The following PTK2 variants were observed in gnomAD, a reference collection of about 807,000 sequenced individuals.
PTK2 encodes protein tyrosine kinase 2, also known as focal adhesion kinase 1.
Under a neutral mutation model 150.1 loss-of-function variants are expected in PTK2, and 45 were observed. That is an observed-to-expected ratio of 0.30 (90% CI 0.24 to 0.38). PTK2 has a LOEUF of 0.38. Among genes scored for constraint, PTK2 ranks in the 10% least tolerant of loss-of-function variants. PTK2 has a pLI of 1.00. For synonymous variants in PTK2, 432 were observed against 449.2 expected, an observed-to-expected ratio of 0.96 and a Z score of 0.48; for missense variants, 919 against 1,307.3, an observed-to-expected ratio of 0.70 and a Z score of 4.58.
At chr8:140,905,428 G>A (rs1164108788) in intron 2 of PTK2, among the ~76,000 whole-genome samples, 1 of 151,820 alleles carries the variant, frequency 6.6e-6, no homozygotes, top group African/African-American at 2.4e-5. Context: ...AAAAGACAAA[G>A]AAGGGCATTA....
At chr8:140,854,428 T>C (rs781280486) in intron 5 of PTK2, among the ~76,000 whole-genome samples, 2 of 152,228 alleles carry the variant, frequency 1.3e-5, no homozygotes, top group African/African-American at 4.8e-5. Context: ...GAAATACTTA[T>C]AACTTTAACA....
intron 31 of PTK2, chr8:140,662,679 C>T (rs774450559): frequency 1.4e-5 from 8 of 574,586 alleles, no homozygotes; most frequent in Admixed American, 6.5e-5. Flanking sequence ...TGTGTCCAAC[C>T]GTCCTTCAGA....
chr8:140,900,558 C>G (rs963147144), intron 2 of PTK2, among the ~76,000 whole-genome samples: 1 of 151,910 alleles, frequency 6.6e-6, no homozygotes, highest in Non-Finnish European at 1.5e-5. Flanking sequence ...CCCATCTCTA[C>G]TAAAATTACA....
exon 30 of PTK2, chr8:140,668,385 G>T: frequency 1.9e-6 from 3 of 1,613,684 alleles, no homozygotes; most frequent in Non-Finnish European, 2.5e-6. Flanking sequence ...GACCGGTCCA[G>T]GTTGGCAGTA....
intron 14 of PTK2, among the ~76,000 whole-genome samples, chr8:140,766,089 A>C (rs1468353835): frequency 6.6e-6 from 1 of 152,098 alleles, no homozygotes. Flanking sequence ...TGGGAGAGCC[A>C]CTCAAACTCT....
At chr8:140,732,081 T>C (rs2100049764) in intron 22 of PTK2, among the ~76,000 whole-genome samples, 1 of 152,162 alleles carries the variant, frequency 6.6e-6, no homozygotes, top group Non-Finnish European at 1.5e-5. Flanking sequence ...CAAAGGGCTA[T>C]CCAAACTTAT....
At chr8:140,805,351 G>A (rs1170510700) in intron 10 of PTK2, among the ~76,000 whole-genome samples, 1 of 152,034 alleles carries the variant, frequency 6.6e-6, no homozygotes, top group African/African-American at 2.4e-5. Context: ...ACGAGGTCAG[G>A]AGATTGAGAC....
intron 5 of PTK2, among the ~76,000 whole-genome samples, chr8:140,856,210 G>A (rs764638787): frequency 4.6e-5 from 7 of 152,090 alleles, no homozygotes; most frequent in Admixed American, 6.5e-5. Flanking sequence ...AGAATGCAGA[G>A]CAACCAGAAC....
chr8:140,937,595 A>AC (rs2100174108), intron 1 of PTK2, among the ~76,000 whole-genome samples: 1 of 151,776 alleles, frequency 6.6e-6, no homozygotes, highest in South Asian at 2.1e-4. Flanking sequence ...TAAAAAAAAA[A>AC]AAAACACAAA....
intron 1 of PTK2, among the ~76,000 whole-genome samples, chr8:141,000,391 G>A (rs979605910): frequency 5.4e-4 from 83 of 152,336 alleles, no homozygotes; most frequent in African/African-American, 1.9e-3. Context: ...AGGCCGCTCG[G>A]AGCCCACCCT....
chr8:140,711,107 T>C (rs1313608037), intron 23 of PTK2, among the ~76,000 whole-genome samples: 2 of 151,668 alleles, frequency 1.3e-5, no homozygotes, highest in Non-Finnish European at 2.9e-5. Flanking sequence ...CCAGCTAATT[T>C]TTATATTTTT....
chr8:140,807,528 GA>G (rs1282056125), intron 10 of PTK2, among the ~76,000 whole-genome samples: 1 of 152,134 alleles, frequency 6.6e-6, no homozygotes, highest in East Asian at 1.9e-4. Context: ...GAGCACTTGA[GA>G]AGGAGAATCT....
intron 3 of PTK2, 39 bp from the exon 4 acceptor site, chr8:140,879,676 G>GAAAAAAAAAAAAAAAAAAAAAAAATAA (rs2100147793): frequency 3.2e-5 from 1 of 31,602 alleles, no homozygotes; most frequent in African/African-American, 2.4e-4. Flanking sequence ...GTTATAAACT[G>GAAAAAAAAAAAAAAAAAAAAAAAATAA]AAAAAAAAAA....
At chr8:140,987,292 C>T (rs12334399) in intron 1 of PTK2, among the ~76,000 whole-genome samples, 63,461 of 151,978 alleles carry the variant, frequency 0.42, 15,166 homozygotes, top group Non-Finnish European at 0.55. Flanking sequence ...GCAATTCTCC[C>T]GTCTCAGCCT....
At chr8:140,954,993 T>C (rs759022115) in intron 1 of PTK2, among the ~76,000 whole-genome samples, 11 of 152,220 alleles carry the variant, frequency 7.2e-5, no homozygotes, top group Non-Finnish European at 1.6e-4. Context: ...AAAAGGCCTG[T>C]CTTCAAACCC....
intron 5 of PTK2, among the ~76,000 whole-genome samples, chr8:140,863,094 ACCT>A (rs982839565): frequency 5.9e-4 from 90 of 152,152 alleles, no homozygotes; most frequent in African/African-American, 1.7e-3. Flanking sequence ...AGAACAACTT[ACCT>A]TCTTACCTCC....
chr8:140,733,403 TAATGAGAGAA>T (rs1297954704), intron 22 of PTK2, among the ~76,000 whole-genome samples: 1 of 150,896 alleles, frequency 6.6e-6, no homozygotes, highest in African/African-American at 2.4e-5. Context: ...CTGGGAAGAG[TAATGAGAGAA>T]AATGGGAGAA....
chr8:140,812,414 A>C (rs1483005284), intron 10 of PTK2, among the ~76,000 whole-genome samples: 1 of 152,248 alleles, frequency 6.6e-6, no homozygotes, highest in African/African-American at 2.4e-5. Flanking sequence ...CTAAATATGG[A>C]AAGGAAAGAC....
chr8:140,992,227 G>C (rs967288672), intron 1 of PTK2, among the ~76,000 whole-genome samples: 1 of 151,526 alleles, frequency 6.6e-6, no homozygotes, highest in Non-Finnish European at 1.5e-5. Flanking sequence ...GAGAGGCAGA[G>C]GTTGCAGTGA....
Sources: gnomAD v4.1 joint callset for allele counts (sites outside exome capture counted in the v4.1 genomes callset) on GRCh38, gnomAD v4.1.1 for gene constraint, MANE v1.5 for transcripts, NCBI Gene and HGNC (gene_info 2026-07-23, HGNC 2026-07-21) for gene names.